Variants in TNFRSF8 observed in about 807,000 individuals in gnomAD.
TNFRSF8 encodes TNF receptor superfamily member 8.
In TNFRSF8, 26 loss-of-function variants were observed where a neutral mutation model predicts 70.8. The observed-to-expected ratio is 0.37, with a 90% confidence interval of 0.27 to 0.51. The LOEUF (loss-of-function observed/expected upper bound fraction) is 0.51, where lower values mean the gene tolerates loss of function less well. Among genes scored for constraint, TNFRSF8 ranks in the 20% least tolerant of loss-of-function variants. The pLI is 0.94. For missense variants in TNFRSF8, 720 were observed against 807.9 expected (o/e 0.89, Z 1.32); for synonymous variants, 356 against 339.2 (o/e 1.05, Z -0.54).
chr1:12,077,518 A>G (rs909093938), intron 1 of TNFRSF8, among the ~76,000 whole-genome samples: 1 of 152,176 alleles, frequency 6.6e-6, no homozygotes, highest in African/African-American at 2.4e-5. Context: ...AAGAAACAAG[A>G]CCTCAGTCCT....
chr1:12,086,469 G>A (rs1274502136), intron 2 of TNFRSF8, among the ~76,000 whole-genome samples: 1 of 136,042 alleles, frequency 7.4e-6, no homozygotes, highest in Non-Finnish European at 1.6e-5. Flanking sequence ...CCAAGTACCT[G>A]CCCCCCTCAC....
rs780094059 is a variant in TNFRSF8 at position 12,110,123 on chromosome 1, C to T, written c.595C>T (p.Arg199Cys). The change falls in exon 6 of 15, where the codon CGC (arginine) becomes TGC (cysteine). Residue 199 changes from arginine (R) to cysteine (C), a missense_variant. Coordinates refer to ENST00000263932, the MANE Select transcript of TNFRSF8 (RefSeq NM_001243.5). This position sits in a 1 kb window ranked among gnomAD's most constrained non-coding sequence, Gnocchi z 4.0. ...ASTMPVRGGT[R>C]LAQEAASKLT... Reference sequence around the variant, plus strand: ...CACCATGCCTGTAAGAGGGGGCACCCGCCTCGCCCAGGAAGCTGCTTCTAA... The same window carrying T: ...CACCATGCCTGTAAGAGGGGGCACCTGCCTCGCCCAGGAAGCTGCTTCTAA... 1.1e-5 allele frequency: 18 copies of T among 1,613,622 alleles called. No homozygotes were observed. In the African/African-American group the frequency reaches 1.5e-4, roughly 13 times the overall value.
intron 1 of TNFRSF8, among the ~76,000 whole-genome samples, chr1:12,078,820 C>T (rs902583682): frequency 1.3e-5 from 2 of 152,208 alleles, no homozygotes; most frequent in African/African-American, 2.4e-5. Context: ...GAAAGCAAAC[C>T]GTTCCAGCAT....
chr1:12,116,043 T>A (rs1641723200), intron 8 of TNFRSF8, among the ~76,000 whole-genome samples: 2 of 152,282 alleles, frequency 1.3e-5, no homozygotes, highest in Non-Finnish European at 2.9e-5. Flanking sequence ...GTACAATGGC[T>A]CAATCTCGGC....
chr1:12,126,131 C>T (rs1641934949), intron 11 of TNFRSF8, 52 bp from the exon 12 acceptor site: 1 of 1,613,482 alleles, frequency 6.2e-7, no homozygotes, highest in Non-Finnish European at 8.5e-7. Context: ...TCCCTGCCTG[C>T]TCCTGCTCTC....
chr1:12,076,697 TGCCTGTGGCCAGGGATGGA>T (rs971180684), intron 1 of TNFRSF8, among the ~76,000 whole-genome samples: 2 of 152,144 alleles, frequency 1.3e-5, no homozygotes, highest in African/African-American at 2.4e-5. Context: ...TGAGAGGTGC[TGCCTGTGGCCAGGGATGGA>T]GCCTGTGGCC....
At chr1:12,075,251 A>AAAATTT (rs1553153115) in intron 1 of TNFRSF8, among the ~76,000 whole-genome samples, 2 of 143,868 alleles carry the variant, frequency 1.4e-5, no homozygotes, top group Admixed American at 6.9e-5. Context: ...CAAAAAAAAA[A>AAAATTT]TTTTTTTTTT....
chr1:12,098,189 AT>A (rs1421969240), intron 3 of TNFRSF8, among the ~76,000 whole-genome samples: 1 of 152,174 alleles, frequency 6.6e-6, no homozygotes, highest in Non-Finnish European at 1.5e-5. Flanking sequence ...TGGCATTAAT[AT>A]TGCTATTCCT....
Position 12,087,165 on chromosome 1 carries a change from CT to C in TNFRSF8, c.151+2634del, listed in dbSNP as rs71230982. On this transcript the variant is annotated intron_variant, in intron 2 of 14. Coordinates refer to ENST00000263932, the MANE Select transcript of TNFRSF8 (RefSeq NM_001243.5). ...CAAATTTTTATTTCTCTCTCTCTCT[CT>C]TTTTTTTTTTTTTTTTTTTGAGATA... Among the ~76,000 whole-genome samples, 240 of 83,946 alleles carry C rather than the reference CT, an allele frequency of 2.9e-3. 1 individual carries two copies. Among genetic ancestry groups the C allele is most frequent in the African/African-American group, 7.3e-3 (163 of 22,338 alleles). The allele number at this position is 83,946 out of a possible 152,430, so 55.1% of individuals were successfully genotyped here.
Position 12,143,385 on chromosome 1 carries a change from A to T in TNFRSF8, c.*854A>T, listed in dbSNP as rs568885174. The T allele has an allele frequency of 6.6e-6, 1 of 151,168 alleles. No individual in the cohort carries two copies. The allele number at this position is 151,168 out of a possible 1,614,324, so 9.4% of individuals were successfully genotyped here. On this transcript the variant is annotated 3_prime_UTR_variant, in exon 15 of 15. Coordinates refer to ENST00000263932, the MANE Select transcript of TNFRSF8 (RefSeq NM_001243.5). The surrounding 1 kb of genome is among the most constrained non-coding windows in gnomAD (Gnocchi z 4.1). The stretch of plus-strand genomic sequence containing the variant: ...TACTTTGCCCAGGGACTTCCTCCCC[A>T]TGTGAACATGGGGAACTTCGGGCCC...
Position 12,072,254 on chromosome 1 carries a change from T to C in TNFRSF8, c.63+8593T>C, listed in dbSNP as rs1640860894. 2.0e-5 allele frequency among the ~76,000 whole-genome samples: 3 copies of C among 152,138 alleles called. No individual in the cohort carries two copies. In the South Asian group the frequency reaches 6.2e-4, roughly 31 times the overall value. On this transcript the variant is annotated intron_variant, in intron 1 of 14. Coordinates refer to ENST00000263932, the MANE Select transcript of TNFRSF8 (RefSeq NM_001243.5). ...CTGTGCAAATAAAGGTGAGCCTTAT[T>C]AGGTGCCTGTTGTATGTGGGGCATT...
Position 12,111,895 on chromosome 1 carries a change from C to T in TNFRSF8, c.677-3C>T. The T allele has an allele frequency of 6.2e-7, 1 of 1,613,748 alleles. No individual in the cohort carries two copies. Among genetic ancestry groups the T allele is most frequent in the Non-Finnish European group, 8.5e-7 (1 of 1,179,634 alleles). ...CCTGCAGCTTCTCTGCTTCTTTCCC[C>T]AGGTCTGTCCCCAACACAGCCATGC... On this transcript the variant is annotated splice_region_variant and splice_polypyrimidine_tract_variant and intron_variant, in intron 6 of 14. Coordinates refer to ENST00000263932, the MANE Select transcript of TNFRSF8 (RefSeq NM_001243.5).
chr1:12,090,369 T>A (rs2100976745), intron 2 of TNFRSF8, among the ~76,000 whole-genome samples: 1 of 141,822 alleles, frequency 7.1e-6, no homozygotes, highest in South Asian at 2.4e-4. Context: ...CATCCACCCA[T>A]CTACTCACTC....
At chr1:12,070,996 T>C (rs773592854) in intron 1 of TNFRSF8, among the ~76,000 whole-genome samples, 1 of 152,018 alleles carries the variant, frequency 6.6e-6, no homozygotes, top group Non-Finnish European at 1.5e-5. Flanking sequence ...CAAGACCCCC[T>C]TTTTTTGGCC....
In TNFRSF8 at chr1:12,110,507, T is replaced by A. The variant is rs1392284196; in HGVS notation, c.676+303T>A. On this transcript the variant is annotated intron_variant, in intron 6 of 14. Transcript: ENST00000263932. This position sits in a 1 kb window ranked among gnomAD's most constrained non-coding sequence, Gnocchi z 4.0. Reference sequence around the variant, plus strand: ...AGGGAAATGGGTCCCACTCTGCTGTTGTGACACTTGCGACTCAGCTGGCCA... The same window carrying A: ...AGGGAAATGGGTCCCACTCTGCTGTAGTGACACTTGCGACTCAGCTGGCCA... 6.6e-6 allele frequency among the ~76,000 whole-genome samples: 1 copy of A among 152,218 alleles called. No individual in the cohort carries two copies. The highest frequency in any genetic ancestry group is 2.4e-5 in the African/African-American group (1 of 41,458).
chr1:12,110,271 G>C lies in TNFRSF8; in HGVS notation c.676+67G>C. 1.4e-6 allele frequency: 2 copies of C among 1,473,114 alleles called. No individual in the cohort carries two copies. Among genetic ancestry groups the C allele is most frequent in the Non-Finnish European group, 1.8e-6 (2 of 1,103,476 alleles). The allele number at this position is 1,473,114 out of a possible 1,614,324, so 91.3% of individuals were successfully genotyped here. ...TCGATTGGTGGATGGCCCATGAGTG[G>C]GGGTGTTTGGAGCAGGCGGGCAGTG... On this transcript the variant is annotated intron_variant, in intron 6 of 14. Coordinates refer to ENST00000263932, the MANE Select transcript of TNFRSF8 (RefSeq NM_001243.5). This position sits in a 1 kb window ranked among gnomAD's most constrained non-coding sequence, Gnocchi z 4.0.
At chr1:12,069,417 G>A (rs972264084) in intron 1 of TNFRSF8, among the ~76,000 whole-genome samples, 7 of 150,254 alleles carry the variant, frequency 4.7e-5, no homozygotes, top group African/African-American at 1.5e-4. Context: ...GACCTCAGAC[G>A]AGCCCCCCCG....
chr1:12,116,542 T>C (rs1315337322), intron 8 of TNFRSF8, among the ~76,000 whole-genome samples: 1 of 152,084 alleles, frequency 6.6e-6, no homozygotes, highest in Non-Finnish European at 1.5e-5. Context: ...GGCTCACGCC[T>C]GTGATCCCAG....
chr1:12,102,278 T>C (rs1354935699), intron 3 of TNFRSF8, among the ~76,000 whole-genome samples: 1 of 152,208 alleles, frequency 6.6e-6, no homozygotes, highest in Non-Finnish European at 1.5e-5. Context: ...ACAGTCTCTT[T>C]GCGGGAAGAC....
Sources: gnomAD v4.1 joint callset for allele counts (sites outside exome capture counted in the v4.1 genomes callset) on GRCh38, gnomAD v4.1.1 for gene constraint, Gnocchi (gnomAD v3.1) non-coding constraint, MANE v1.5 for transcripts, NCBI Gene and HGNC (gene_info 2026-07-23, HGNC 2026-07-21) for gene names.